Variants in UBAP2 observed in about 807,000 individuals in gnomAD.
UBAP2 encodes the protein ubiquitin associated protein 2.
In UBAP2, 75 loss-of-function variants were observed where a neutral mutation model predicts 139.6. The observed-to-expected ratio is 0.54, with a 90% confidence interval of 0.45 to 0.65. The LOEUF is 0.65. UBAP2 is among the 30% of genes least tolerant of loss of function. The probability of loss-of-function intolerance (pLI) is 0.00; values close to 1 mark genes in which losing one functional copy is unlikely to be tolerated. For synonymous variants in UBAP2, 526 were observed against 526.2 expected (o/e 1.00, Z 0.01); for missense variants, 1,368 against 1,369.6 (o/e 1.00, Z 0.02).
chr9:33,992,681 A>T (rs1388257828), intron 4 of UBAP2, among the ~76,000 whole-genome samples: 1 of 151,834 alleles, frequency 6.6e-6, no homozygotes, highest in Non-Finnish European at 1.5e-5. Context: ...CAAATAGGGA[A>T]AAGAACCTTT....
intron 2 of UBAP2, among the ~76,000 whole-genome samples, chr9:34,016,389 GGTGGT>G (rs1824344267): frequency 6.7e-6 from 1 of 148,262 alleles, no homozygotes; most frequent in Non-Finnish European, 1.5e-5. Flanking sequence ...TGGTGGTGGT[GGTGGT>G]GGTGGTGGTG....
At chr9:33,986,956 G>A in intron 5 of UBAP2, 119 bp from the exon 6 acceptor site, 1 of 918,770 alleles carries the variant, frequency 1.1e-6, no homozygotes, top group Non-Finnish European at 1.7e-6. Flanking sequence ...TTAAACAACG[G>A]GTTCAAAAAC....
chr9:33,970,452 G>A (rs1054602564), intron 8 of UBAP2, among the ~76,000 whole-genome samples: 4 of 150,912 alleles, frequency 2.7e-5, no homozygotes, highest in African/African-American at 9.7e-5. Flanking sequence ...TTTTTTTCAG[G>A]CACGCCTTGC....
intron 6 of UBAP2, among the ~76,000 whole-genome samples, chr9:33,980,220 CTTTTTTTTTTTTTT>C (rs1173781682): frequency 5.1e-4 from 25 of 49,134 alleles, no homozygotes; most frequent in South Asian, 1.0e-3. Context: ...AGTGTCATTT[CTTTTTTTTTTTTTT>C]TTTTTTTTTT....
At chr9:34,002,910 ACCC>A (rs911572081) in intron 2 of UBAP2, among the ~76,000 whole-genome samples, 1 of 151,164 alleles carries the variant, frequency 6.6e-6, no homozygotes, top group Non-Finnish European at 1.5e-5. Context: ...TTAATATTGA[ACCC>A]CCCGAGCTTA....
intron 19 of UBAP2, among the ~76,000 whole-genome samples, chr9:33,931,153 C>G (rs1463134036): frequency 6.6e-6 from 1 of 152,092 alleles, no homozygotes; most frequent in African/African-American, 2.4e-5. Flanking sequence ...TTTTTCAACC[C>G]AATGCACGCA....
At chr9:33,952,926 G>C (rs1437059231) in intron 12 of UBAP2, 1 of 163,114 alleles carries the variant, frequency 6.1e-6, no homozygotes. Flanking sequence ...CTGGAGTACA[G>C]AGGCATGATC....
At chr9:33,956,870 C>G (rs1420757354) in intron 10 of UBAP2, among the ~76,000 whole-genome samples, 1 of 151,908 alleles carries the variant, frequency 6.6e-6, no homozygotes, top group Non-Finnish European at 1.5e-5. Flanking sequence ...GAAAGCCCAA[C>G]ACTCTGGGCA....
At chr9:34,013,125 C>T (rs1823908138) in intron 2 of UBAP2, among the ~76,000 whole-genome samples, 1 of 140,528 alleles carries the variant, frequency 7.1e-6, no homozygotes, top group Admixed American at 7.4e-5. Context: ...TGCACTGCAG[C>T]CTGGGCAACA....
At chr9:33,993,567 C>T (rs1293816185) in intron 4 of UBAP2, among the ~76,000 whole-genome samples, 4 of 152,080 alleles carry the variant, frequency 2.6e-5, no homozygotes, top group Admixed American at 1.3e-4. Context: ...GGCTACTCGG[C>T]AGGCTGGAGG....
chr9:34,031,623 A>G (rs1046279846), intron 1 of UBAP2, among the ~76,000 whole-genome samples: 1 of 151,838 alleles, frequency 6.6e-6, no homozygotes, highest in African/African-American at 2.4e-5. Context: ...TGCTTTCCTA[A>G]GTAAATTCAA....
intron 6 of UBAP2, among the ~76,000 whole-genome samples, chr9:33,973,690 CAAG>C (rs1173468033): frequency 3.3e-5 from 5 of 152,106 alleles, no homozygotes; most frequent in Non-Finnish European, 7.3e-5. Flanking sequence ...AACAAGCAAG[CAAG>C]AAGAGAAAAT....
intron 13 of UBAP2, 55 bp downstream of exon 13, chr9:33,948,319 G>GC: frequency 6.8e-7 from 1 of 1,464,180 alleles, no homozygotes; most frequent in Non-Finnish European, 9.2e-7. Context: ...AACACACTCT[G>GC]CCAAAGCTTG....
chr9:33,971,539 G>GT (rs1331649004), intron 8 of UBAP2, 112 bp downstream of exon 8: 1 of 711,328 alleles, frequency 1.4e-6, no homozygotes, highest in East Asian at 2.5e-5. Context: ...ACAGTAGCCT[G>GT]TTTTTCATTC....
chr9:33,998,541 T>C (rs914460647), intron 3 of UBAP2: 1 of 382,178 alleles, frequency 2.6e-6, no homozygotes, highest in Non-Finnish European at 4.7e-6. Flanking sequence ...TCTGGTTCAA[T>C]GTTCACATGT....
intron 4 of UBAP2, among the ~76,000 whole-genome samples, chr9:33,990,781 C>A (rs897584798): frequency 6.6e-6 from 1 of 151,740 alleles, no homozygotes. Context: ...GGGTTATAGG[C>A]GTACACCACC....
chr9:34,028,524 C>T (rs1825613976), intron 1 of UBAP2, among the ~76,000 whole-genome samples: 1 of 152,074 alleles, frequency 6.6e-6, no homozygotes, highest in African/African-American at 2.4e-5. Context: ...GGATTACAGG[C>T]ACCCGCCACC....
At chr9:34,020,621 G>C (rs538472137) in intron 1 of UBAP2, among the ~76,000 whole-genome samples, 2 of 151,166 alleles carry the variant, frequency 1.3e-5, no homozygotes, top group Non-Finnish European at 2.9e-5. Flanking sequence ...CCACTGAGCC[G>C]GCCCAGAGCC....
At chr9:33,927,181 T>C in intron 20 of UBAP2, 101 bp from the exon 21 acceptor site, 1 of 883,106 alleles carries the variant, frequency 1.1e-6, no homozygotes, top group South Asian at 1.7e-5. Context: ...CTACCCCAGA[T>C]GGGTTCAAAG....
Sources: gnomAD v4.1 joint callset for allele counts (sites outside exome capture counted in the v4.1 genomes callset) on GRCh38, gnomAD v4.1.1 for gene constraint, MANE v1.5 for transcripts, NCBI Gene and HGNC (gene_info 2026-07-23, HGNC 2026-07-21) for gene names.